Variants in LRBA observed in about 807,000 individuals in gnomAD.
LRBA encodes LPS responsive beige-like anchor protein, also known as lipopolysaccharide-responsive and beige-like anchor protein.
A neutral mutation model predicts 330.0 loss-of-function variants in LRBA; 176 were observed. That is an observed-to-expected ratio of 0.53 (90% CI 0.47 to 0.60). The LOEUF (loss-of-function observed/expected upper bound fraction) is 0.60, where lower values mean the gene tolerates loss of function less well. LRBA is among the 20% of genes least tolerant of loss of function. The pLI is 0.00. For missense variants in LRBA, 3,259 were observed against 3,444.8 expected (o/e 0.95, Z 1.35); for synonymous variants, 1,230 against 1,193.0 (o/e 1.03, Z -0.64).
intron 40 of LRBA, among the ~76,000 whole-genome samples, chr4:150,507,086 A>C (rs1051644945): frequency 2.0e-5 from 3 of 151,814 alleles, no homozygotes; most frequent in Admixed American, 2.0e-4. Context: ...GAGGATACAA[A>C]CAAATGGAAG....
intron 38 of LRBA, among the ~76,000 whole-genome samples, chr4:150,592,180 C>A (rs1459211315): frequency 9.9e-6 from 1 of 101,362 alleles, no homozygotes; most frequent in African/African-American, 4.0e-5. Flanking sequence ...TGCTCCACTG[C>A]AGCTTCTGCC....
At chr4:150,737,297 T>C (rs961829836) in intron 35 of LRBA, among the ~76,000 whole-genome samples, 1 of 151,972 alleles carries the variant, frequency 6.6e-6, no homozygotes, top group Non-Finnish European at 1.5e-5. Flanking sequence ...CTGTCTCTAC[T>C]AAAAATATAA....
At chr4:150,352,050 T>A (rs1036645598) in intron 47 of LRBA, among the ~76,000 whole-genome samples, 2 of 152,192 alleles carry the variant, frequency 1.3e-5, no homozygotes, top group Admixed American at 1.3e-4. Flanking sequence ...AAAGCAAAAC[T>A]GTGGATAAGG....
chr4:150,739,773 CA>C (rs1249734663), intron 35 of LRBA, among the ~76,000 whole-genome samples: 1 of 152,170 alleles, frequency 6.6e-6, no homozygotes, highest in Non-Finnish European at 1.5e-5. Context: ...GAGCCCCAGA[CA>C]ACAGCCCGCA....
intron 34 of LRBA, among the ~76,000 whole-genome samples, chr4:150,776,480 T>G (rs1325682606): frequency 6.6e-6 from 1 of 152,178 alleles, no homozygotes; most frequent in Non-Finnish European, 1.5e-5. Flanking sequence ...ATACTATTAT[T>G]TGGGTGCTTT....
intron 22 of LRBA, among the ~76,000 whole-genome samples, chr4:150,858,935 A>C (rs1350076037): frequency 6.6e-6 from 1 of 152,232 alleles, no homozygotes; most frequent in Non-Finnish European, 1.5e-5. Context: ...TGATTTAAAA[A>C]ATAATTTTAA....
chr4:150,945,968 T>G (rs1451165434), intron 2 of LRBA, among the ~76,000 whole-genome samples: 2 of 152,046 alleles, frequency 1.3e-5, no homozygotes, highest in Non-Finnish European at 2.9e-5. Flanking sequence ...CATGGCTAAT[T>G]TTTGTATTTT....
chr4:150,658,527 C>G (rs1301900356), intron 37 of LRBA, among the ~76,000 whole-genome samples: 113 of 216 alleles, frequency 0.52, 6 homozygotes, highest in African/African-American at 0.52. Context: ...CTCTCCCTCT[C>G]CCTCTCCCTC....
intron 37 of LRBA, among the ~76,000 whole-genome samples, chr4:150,677,800 G>C (rs1782685231): frequency 7.3e-6 from 1 of 137,336 alleles, no homozygotes; most frequent in African/African-American, 2.8e-5. Context: ...AAGATCCCAT[G>C]TCTTAAAAAA....
intron 17 of LRBA, among the ~76,000 whole-genome samples, chr4:150,891,312 G>C (rs2127090342): frequency 6.6e-6 from 1 of 152,300 alleles, no homozygotes; most frequent in Non-Finnish European, 1.5e-5. Flanking sequence ...GGAAAATAAA[G>C]AGTACTTTGT....
At chr4:150,755,832 G>C (rs1426979123) in intron 35 of LRBA, among the ~76,000 whole-genome samples, 1 of 151,412 alleles carries the variant, frequency 6.6e-6, no homozygotes, top group African/African-American at 2.4e-5. Context: ...AAGTCCAGGA[G>C]TTCAAGACTA....
chr4:150,333,649 T>G (rs982835872), intron 48 of LRBA, among the ~76,000 whole-genome samples: 3 of 152,196 alleles, frequency 2.0e-5, no homozygotes, highest in Non-Finnish European at 4.4e-5. Flanking sequence ...CTTCAGATGT[T>G]TGAACTTAAA....
chr4:150,666,242 TA>T (rs2069551367), intron 37 of LRBA, among the ~76,000 whole-genome samples: 1 of 151,848 alleles, frequency 6.6e-6, no homozygotes, highest in African/African-American at 2.4e-5. Flanking sequence ...AGCAATAAAA[TA>T]AAAAATAGGT....
At chr4:150,818,269 C>T (rs965045671) in intron 30 of LRBA, among the ~76,000 whole-genome samples, 18 of 151,936 alleles carry the variant, frequency 1.2e-4, no homozygotes, top group African/African-American at 4.3e-4. Context: ...AAATAGGTTT[C>T]GTTTTACCTC....
chr4:150,716,697 C>T (rs566150661), intron 36 of LRBA, among the ~76,000 whole-genome samples: 1 of 152,178 alleles, frequency 6.6e-6, no homozygotes, highest in South Asian at 2.1e-4. Flanking sequence ...TCATGATTAG[C>T]TCTAAAATTG....
At chr4:150,897,509 T>C (rs2127120474) in intron 15 of LRBA, among the ~76,000 whole-genome samples, 1 of 152,158 alleles carries the variant, frequency 6.6e-6, no homozygotes, top group Middle Eastern at 3.4e-3. Context: ...TGAGCTACTA[T>C]ACAAATTTAT....
At chr4:150,981,550 C>A (rs1740835869) in intron 2 of LRBA, among the ~76,000 whole-genome samples, 2 of 151,900 alleles carry the variant, frequency 1.3e-5, no homozygotes, top group Non-Finnish European at 2.9e-5. Flanking sequence ...GCTATAGTAA[C>A]CAAAACAGCA....
intron 2 of LRBA, among the ~76,000 whole-genome samples, chr4:151,006,460 T>G (rs535272970): frequency 1.3e-5 from 2 of 152,276 alleles, no homozygotes; most frequent in Non-Finnish European, 2.9e-5. Flanking sequence ...CAAAAAGTTC[T>G]GGAGATACAA....
rs570582158 is a variant in LRBA at position 150,841,931 on chromosome 4, C to T, written c.4569+2169G>A. On this transcript the variant is annotated intron_variant, in intron 28 of 56. Coordinates refer to ENST00000651943, the MANE Select transcript of LRBA (RefSeq NM_001364905.1). The stretch of plus-strand genomic sequence containing the variant: ...TCAGCCTCCCAAAGTGCTGGGATTA[C>T]AGGTGTGAGCCACCGCACCCACCCA... 8.2e-3 allele frequency among the ~76,000 whole-genome samples: 1,248 copies of T among 152,260 alleles called. 10 individuals carry two copies. The highest frequency in any genetic ancestry group is 0.013 in the Non-Finnish European group (882 of 68,004).
Sources: gnomAD v4.1 joint callset for allele counts (sites outside exome capture counted in the v4.1 genomes callset) on GRCh38, gnomAD v4.1.1 for gene constraint, MANE v1.5 for transcripts, NCBI Gene and HGNC (gene_info 2026-07-23, HGNC 2026-07-21) for gene names.